The following ZNF385D variants were observed in gnomAD, a reference collection of about 807,000 sequenced individuals.
ZNF385D encodes zinc finger protein 385D.
Under a neutral mutation model 35.8 loss-of-function variants are expected in ZNF385D, and 15 were observed. That is an observed-to-expected ratio of 0.42 (90% confidence interval 0.28 to 0.64). The LOEUF (loss-of-function observed/expected upper bound fraction) is 0.64, where lower values mean the gene tolerates loss of function less well. Among genes scored for constraint, ZNF385D ranks in the 30% least tolerant of loss-of-function variants. ZNF385D has a pLI of 0.23. For synonymous variants in ZNF385D, 212 were observed against 186.8 expected (o/e 1.13, Z -1.10); for missense variants, 474 against 494.6 (o/e 0.96, Z 0.39).
intron 3 of ZNF385D, among the ~76,000 whole-genome samples, chr3:22,036,743 G>A (rs980292656): frequency 6.8e-6 from 1 of 147,488 alleles, no homozygotes; most frequent in African/African-American, 2.5e-5. Context: ...CTAAGTTTTA[G>A]GGTACATGTG....
chr3:22,002,181 AAATT>A (rs1385390161), intron 3 of ZNF385D, among the ~76,000 whole-genome samples: 1 of 152,056 alleles, frequency 6.6e-6, no homozygotes. Flanking sequence ...AAGATAAATA[AAATT>A]AATGCACTAT....
chr3:21,901,350 C>T (rs754472680), intron 3 of ZNF385D, among the ~76,000 whole-genome samples: 12 of 152,090 alleles, frequency 7.9e-5, no homozygotes, highest in Non-Finnish European at 1.8e-4. Flanking sequence ...TTTACCAATG[C>T]TTTATCTCCA....
At position 21,413,343 on chromosome 3, in the gene ZNF385D, AC is replaced by A. The variant is rs1191152182; in HGVS notation, c.*7870del. The A allele has an allele frequency of 3.3e-5, 5 of 152,104 alleles. No individual in the cohort carries two copies. Among genetic ancestry groups the A allele is most frequent in the Non-Finnish European group, 7.4e-5 (5 of 67,984 alleles). 9.4% of individuals were successfully genotyped at this position (152,104 alleles called of 1,614,324 possible). A position where few individuals can be genotyped will look rare whatever the true frequency, so the allele number is the denominator to read the frequency against. On this transcript the variant is annotated 3_prime_UTR_variant, in exon 8 of 8. Coordinates refer to ENST00000281523, the MANE Select transcript of ZNF385D (RefSeq NM_024697.3). ...TGGTACTCAAGTCAGACTTCCAGAT[AC>A]ATTGATAAAGATGGAACAGGCAAGT... is the stretch of plus-strand genomic sequence containing the variant.
At position 22,277,919 on chromosome 3, in the gene ZNF385D, A is replaced by G. The variant is rs370561558; in HGVS notation, c.106+94531T>C. On this transcript the variant is annotated intron_variant, in intron 2 of 5. Transcript: ENST00000494108. ...AAAGAACATTGTGGATAAAGTACCA[A>G]AAATGAACAGTAGTCTCTCTAAAAT... Among the ~76,000 whole-genome samples the G allele has an allele frequency of 2.6e-5, 4 of 152,082 alleles. No individual in the cohort carries two copies. The South Asian group carries it at 8.3e-4, about 31-fold the overall frequency.
chr3:21,660,111 G>GTC (rs762469936), intron 2 of ZNF385D, among the ~76,000 whole-genome samples: 55 of 145,880 alleles, frequency 3.8e-4, no homozygotes, highest in Non-Finnish European at 5.9e-4. Context: ...CTCTCTCTCT[G>GTC]TCTCTCTCTC....
At position 21,412,338 on chromosome 3, in the gene ZNF385D, T is replaced by C. The variant is rs1234131888; in HGVS notation, c.*8876A>G. 1 of 152,070 alleles carries C rather than the reference T, an allele frequency of 6.6e-6. No individual in the cohort carries two copies. The highest frequency in any genetic ancestry group is 2.4e-5 in the African/African-American group (1 of 41,428). The allele number at this position is 152,070 out of a possible 1,614,324, so 9.4% of individuals were successfully genotyped here. ...CACTTGGCACTTGGAACAGTCGTGTTATATAGGTTTACCATAACTCTCAGA... is the reference window on the plus strand; with the variant it reads ...CACTTGGCACTTGGAACAGTCGTGTCATATAGGTTTACCATAACTCTCAGA... On this transcript the variant is annotated 3_prime_UTR_variant, in exon 8 of 8. Coordinates refer to ENST00000281523, the MANE Select transcript of ZNF385D (RefSeq NM_024697.3).
chr3:21,448,234 C>T (rs1702259558), intron 4 of ZNF385D, among the ~76,000 whole-genome samples: 1 of 151,860 alleles, frequency 6.6e-6, no homozygotes, highest in Non-Finnish European at 1.5e-5. Flanking sequence ...AAATGGTTGA[C>T]AAAGAGGATG....
At chr3:22,143,837 G>A (rs1010085118) in intron 3 of ZNF385D, among the ~76,000 whole-genome samples, 23 of 152,208 alleles carry the variant, frequency 1.5e-4, no homozygotes, top group South Asian at 1.5e-3. Context: ...TTAAATTCAT[G>A]TACTATTGTA....
At chr3:21,816,220 A>G (rs1215900141) in intron 3 of ZNF385D, among the ~76,000 whole-genome samples, 3 of 152,202 alleles carry the variant, frequency 2.0e-5, no homozygotes. Context: ...CACAGCCAAT[A>G]TCATACCGAA....
chr3:21,485,764 G>A (rs1173742028), intron 4 of ZNF385D, among the ~76,000 whole-genome samples: 1 of 151,862 alleles, frequency 6.6e-6, no homozygotes, highest in African/African-American at 2.4e-5. Flanking sequence ...GGCCTTAATT[G>A]CATTATTGAT....
intron 3 of ZNF385D, among the ~76,000 whole-genome samples, chr3:22,121,732 T>G (rs116507337): frequency 6.6e-6 from 1 of 151,932 alleles, no homozygotes; most frequent in African/African-American, 2.4e-5. Context: ...CAATCCCCTG[T>G]ACCTGGGCAT....
At chr3:22,245,853 T>G (rs1321333640) in intron 2 of ZNF385D, among the ~76,000 whole-genome samples, 1 of 152,114 alleles carries the variant, frequency 6.6e-6, no homozygotes, top group East Asian at 1.9e-4. Context: ...GTGATTGGAT[T>G]TGACATGAAG....
intron 2 of ZNF385D, among the ~76,000 whole-genome samples, chr3:22,233,033 G>C (rs1449996034): frequency 6.6e-6 from 1 of 151,694 alleles, no homozygotes; most frequent in East Asian, 1.9e-4. Context: ...TTTAATGGTG[G>C]TTTTCTCTTA....
At chr3:22,271,726 C>T (rs1701187292) in intron 2 of ZNF385D, among the ~76,000 whole-genome samples, 2 of 151,906 alleles carry the variant, frequency 1.3e-5, no homozygotes, top group Admixed American at 6.6e-5. Flanking sequence ...AAACTTTTTT[C>T]AGATGTCCGA....
At chr3:21,490,216 A>T (rs1466351501) in intron 4 of ZNF385D, among the ~76,000 whole-genome samples, 2 of 152,056 alleles carry the variant, frequency 1.3e-5, no homozygotes, top group Non-Finnish European at 2.9e-5. Flanking sequence ...CTAAGGCTGG[A>T]TTGCAGTGGT....
At chr3:22,087,332 G>A (rs1394739654) in intron 3 of ZNF385D, among the ~76,000 whole-genome samples, 2 of 150,940 alleles carry the variant, frequency 1.3e-5, no homozygotes, top group Non-Finnish European at 2.9e-5. Context: ...ATTTTTTTCT[G>A]AACACATGAA....
At chr3:22,129,362 C>T (rs1703638318) in intron 3 of ZNF385D, among the ~76,000 whole-genome samples, 1 of 152,152 alleles carries the variant, frequency 6.6e-6, no homozygotes, top group Non-Finnish European at 1.5e-5. Context: ...AGGCCCAAGG[C>T]CTCTGTCAGC....
chr3:22,192,353 C>T (rs1003093941), intron 2 of ZNF385D, among the ~76,000 whole-genome samples: 3 of 152,296 alleles, frequency 2.0e-5, no homozygotes, highest in East Asian at 1.9e-4. Context: ...CTAGCCACTT[C>T]TAAGATTGTT....
intron 1 of ZNF385D, among the ~76,000 whole-genome samples, chr3:21,680,820 A>T (rs935808707): frequency 6.6e-6 from 1 of 151,228 alleles, no homozygotes; most frequent in Non-Finnish European, 1.5e-5. Flanking sequence ...TTAGTTGGTT[A>T]TTTTTTTTTC....
Sources: gnomAD v4.1 joint callset for allele counts (sites outside exome capture counted in the v4.1 genomes callset) on GRCh38, gnomAD v4.1.1 for gene constraint, MANE v1.5 for transcripts, NCBI Gene and HGNC (gene_info 2026-07-23, HGNC 2026-07-21) for gene names.